Variants in ATP6V1A observed in about 807,000 individuals in gnomAD.
ATP6V1A encodes ATPase H+ transporting V1 subunit A, also known as V-type proton ATPase catalytic subunit A.
In ATP6V1A, 18 loss-of-function variants were observed where a neutral mutation model predicts 70.1. The ratio of observed to expected loss-of-function variants is 0.26; its 90% CI spans 0.18 to 0.38. The LOEUF (loss-of-function observed/expected upper bound fraction) is 0.38, where lower values mean the gene tolerates loss of function less well. ATP6V1A is among the 10% of genes least tolerant of loss of function. The pLI is 1.00. For missense variants in ATP6V1A, 424 were observed against 772.4 expected (o/e 0.55, Z 5.35); for synonymous variants, 232 against 253.8 (o/e 0.91, Z 0.82).
At chr3:113,798,222 G>T (rs1477389489) in intron 11 of ATP6V1A, 21 bp from the exon 12 acceptor site, 2 of 1,609,560 alleles carry the variant, frequency 1.2e-6, no homozygotes, top group African/African-American at 2.7e-5. Context: ...CTGTTTTTGT[G>T]TGTGTGTTTT....
At chr3:113,754,332 G>A (rs1299375006) in intron 1 of ATP6V1A, among the ~76,000 whole-genome samples, 1 of 151,972 alleles carries the variant, frequency 6.6e-6, no homozygotes, top group Non-Finnish European at 1.5e-5. Context: ...AGACCATCCT[G>A]GGCAACATGG....
chr3:113,784,536 C>G, intron 4 of ATP6V1A, 98 bp downstream of exon 4: 1 of 1,390,070 alleles, frequency 7.2e-7, no homozygotes, highest in Non-Finnish European at 9.8e-7. Flanking sequence ...TAAAAATAGA[C>G]TACAGAAGGA....
At chr3:113,753,848 A>G (rs1047257808) in intron 1 of ATP6V1A, among the ~76,000 whole-genome samples, 1 of 151,970 alleles carries the variant, frequency 6.6e-6, no homozygotes, top group Non-Finnish European at 1.5e-5. Context: ...GGTGTGCACC[A>G]CCACACCTGG....
At chr3:113,750,360 T>C (rs1201016434) in intron 1 of ATP6V1A, among the ~76,000 whole-genome samples, 2 of 152,160 alleles carry the variant, frequency 1.3e-5, no homozygotes, top group Non-Finnish European at 2.9e-5. Context: ...CACGCGCCTG[T>C]AGTGCCAGCT....
chr3:113,793,195 GA>G (rs1423090507), intron 8 of ATP6V1A, among the ~76,000 whole-genome samples: 50 of 152,128 alleles, frequency 3.3e-4, no homozygotes, highest in Non-Finnish European at 6.0e-4. Flanking sequence ...GAGTAGCTGG[GA>G]TTACAGGCAT....
At chr3:113,768,443 G>A (rs1461417797) in intron 1 of ATP6V1A, among the ~76,000 whole-genome samples, 1 of 152,092 alleles carries the variant, frequency 6.6e-6, no homozygotes, top group Non-Finnish European at 1.5e-5. Context: ...CAAGGACTCA[G>A]ATGTCTTTTG....
In ATP6V1A at chr3:113,786,343, C is replaced by A; in HGVS notation, c.676C>A (p.Pro226Thr). 1 of 1,613,918 alleles carries A rather than the reference C, an allele frequency of 6.2e-7. No homozygotes were observed. The highest frequency in any genetic ancestry group is 8.5e-7 in the Non-Finnish European group (1 of 1,179,902). Residue 226 changes from proline (P) to threonine (T), a missense_variant, in exon 6 of 15, where the codon CCT (proline) becomes ACT (threonine). This residue lies in a region of ATP6V1A where 22 missense variants were observed against 45.6 expected (regional missense o/e 0.48). Transcript: ENST00000273398. The stretch of plus-strand genomic sequence containing the variant: ...CACTGAGAAGCTGCCAGCCAATCAT[C>A]CTCTGTTGACTGGCCAGAGAGTCCT... The part of the protein sequence containing the change: ...PVTEKLPANH[P>T]LLTGQRVLDA...
intron 1 of ATP6V1A, among the ~76,000 whole-genome samples, chr3:113,765,510 A>T (rs1708757983): frequency 6.6e-6 from 1 of 152,084 alleles, no homozygotes; most frequent in Non-Finnish European, 1.5e-5. Flanking sequence ...AGGCTGAGGC[A>T]GGAAGAGTAG....
At chr3:113,752,184 G>A (rs2108005470) in intron 1 of ATP6V1A, among the ~76,000 whole-genome samples, 1 of 151,798 alleles carries the variant, frequency 6.6e-6, no homozygotes, top group East Asian at 1.9e-4. Flanking sequence ...TAAAATGGGT[G>A]GTATATGATA....
At chr3:113,778,027 C>G (rs1014756990) in intron 1 of ATP6V1A, among the ~76,000 whole-genome samples, 2 of 152,098 alleles carry the variant, frequency 1.3e-5, no homozygotes, top group African/African-American at 4.8e-5. Flanking sequence ...TGAAATACCT[C>G]ACATAGAGAT....
Position 113,805,660 on chromosome 3 carries a change from C to T in ATP6V1A, c.1761+135C>T, listed in dbSNP as rs111409609. 2.2e-4 allele frequency: 191 copies of T among 883,238 alleles called. 4 individuals are homozygous for T. The African/African-American group carries it at 2.5e-3, about 11-fold the overall frequency. The allele number at this position is 883,238 out of a possible 1,614,324, so 54.7% of individuals were successfully genotyped here. On this transcript the variant is annotated intron_variant, in intron 14 of 14. Coordinates refer to ENST00000273398, the MANE Select transcript of ATP6V1A (RefSeq NM_001690.4). ...CTTGTCTCACTGCAACCTCTGCCTC[C>T]TGGGTTCAAACGATTCTCCTGCATC...
chr3:113,796,062 A>G (rs1709150536), intron 11 of ATP6V1A, 123 bp downstream of exon 11: 1 of 821,592 alleles, frequency 1.2e-6, no homozygotes, highest in Non-Finnish European at 1.8e-6. Context: ...AGGATAGGCA[A>G]TGGTAAAGTC....
intron 12 of ATP6V1A, among the ~76,000 whole-genome samples, chr3:113,801,906 A>C (rs1391950606): frequency 1.3e-5 from 2 of 151,782 alleles, no homozygotes; most frequent in African/African-American, 4.8e-5. Flanking sequence ...GACTAGAGAT[A>C]AAAGGGATTT....
chr3:113,755,753 T>C (rs1020880484), intron 1 of ATP6V1A, among the ~76,000 whole-genome samples: 19 of 152,214 alleles, frequency 1.2e-4, no homozygotes, highest in Non-Finnish European at 7.3e-5. Context: ...TGTACAAATA[T>C]GGTAAAATTT....
intron 1 of ATP6V1A, among the ~76,000 whole-genome samples, chr3:113,758,115 A>G (rs892586977): frequency 7.9e-5 from 12 of 152,324 alleles, no homozygotes; most frequent in African/African-American, 2.9e-4. Context: ...ACTGCACTCC[A>G]GCCTGGCGAT....
intron 1 of ATP6V1A, among the ~76,000 whole-genome samples, chr3:113,772,894 A>G (rs1708862827): frequency 6.6e-6 from 1 of 151,094 alleles, no homozygotes; most frequent in Non-Finnish European, 1.5e-5. Flanking sequence ...ATTACTCAGA[A>G]TCAGAATCAT....
At chr3:113,781,225 T>G in intron 3 of ATP6V1A, 47 bp downstream of exon 3, 1 of 1,562,362 alleles carries the variant, frequency 6.4e-7, no homozygotes, top group Non-Finnish European at 8.7e-7. Flanking sequence ...ATTTCAAAAT[T>G]TAAGGATTTA....
At chr3:113,791,943 C>A (rs1709096550) in intron 8 of ATP6V1A, among the ~76,000 whole-genome samples, 1 of 152,226 alleles carries the variant, frequency 6.6e-6, no homozygotes, top group Non-Finnish European at 1.5e-5. Context: ...ATCTGAGATG[C>A]ATGGCCTCAG....
chr3:113,765,925 T>G (rs964442648), intron 1 of ATP6V1A, among the ~76,000 whole-genome samples: 2 of 151,876 alleles, frequency 1.3e-5, no homozygotes, highest in Admixed American at 1.3e-4. Context: ...AGACTCCATC[T>G]CAAAAAAAAA....
Sources: allele counts gnomAD v4.1 joint callset (sites outside exome capture counted in the v4.1 genomes callset), GRCh38; gene constraint gnomAD v4.1.1; regional missense constraint gnomAD v4.1.1; transcripts MANE v1.5; gene names NCBI Gene and HGNC (gene_info 2026-07-23, HGNC 2026-07-21).